ARHGAP24: variants seen among roughly 807,000 people sequenced by gnomAD.
The protein encoded by ARHGAP24 is Rho GTPase activating protein 24, also known as rho GTPase-activating protein 24.
Under a neutral mutation model 76.4 loss-of-function variants are expected in ARHGAP24, and 50 were observed. That is an observed-to-expected ratio of 0.65 (90% CI 0.52 to 0.83). ARHGAP24 has a LOEUF of 0.83. ARHGAP24 is among the 40% of genes least tolerant of loss of function. The pLI is 0.00. For missense variants in ARHGAP24, 930 were observed against 914.2 expected, an observed-to-expected ratio of 1.02 and a Z score of -0.22; for synonymous variants, 345 against 323.3, an observed-to-expected ratio of 1.07 and a Z score of -0.72.
At chr4:85,762,332 A>G (rs916123746) in intron 3 of ARHGAP24, among the ~76,000 whole-genome samples, 2 of 152,182 alleles carry the variant, frequency 1.3e-5, no homozygotes, top group African/African-American at 4.8e-5. Context: ...GCTCATGTAC[A>G]GAAAATCATA....
chr4:85,992,087 T>C (rs374011520), intron 8 of ARHGAP24: 41 of 397,390 alleles, frequency 1.0e-4, no homozygotes, highest in Middle Eastern at 1.3e-3. Flanking sequence ...CAGAATCTGC[T>C]TGGACTCTTC....
In ARHGAP24 at chr4:85,871,406, C is replaced by G. The variant is rs932739561; in HGVS notation, c.269-52242C>G. Among the ~76,000 whole-genome samples the G allele has an allele frequency of 5.3e-5, 8 of 152,192 alleles. 1 individual carries two copies. The highest frequency in any genetic ancestry group is 5.2e-4 in the Admixed American group (8 of 15,264). ...TAAAATGCCCAATACACCTTCTTTT[C>G]TACCTTAGTTGATTCCATACTCGTT... On this transcript the variant is annotated intron_variant, in intron 3 of 9. Transcript: ENST00000395184.
At chr4:85,564,967 T>TAC (rs1726777411) in intron 1 of ARHGAP24, among the ~76,000 whole-genome samples, 1 of 114,580 alleles carries the variant, frequency 8.7e-6, no homozygotes, top group Non-Finnish European at 1.8e-5. Flanking sequence ...TATATATATA[T>TAC]ATACCCACAC....
At chr4:85,666,186 C>G (rs1722610185) in intron 2 of ARHGAP24, among the ~76,000 whole-genome samples, 1 of 152,184 alleles carries the variant, frequency 6.6e-6, no homozygotes, top group Admixed American at 6.5e-5. Flanking sequence ...TTCACATAGT[C>G]CTGTATTTCT....
At chr4:85,856,945 A>G (rs1169248703) in intron 3 of ARHGAP24, among the ~76,000 whole-genome samples, 1 of 152,136 alleles carries the variant, frequency 6.6e-6, no homozygotes, top group Non-Finnish European at 1.5e-5. Flanking sequence ...CTTTTTTTTA[A>G]TTTAACATAT....
At chr4:85,751,723 AG>A (rs1726273207) in intron 3 of ARHGAP24, among the ~76,000 whole-genome samples, 1 of 152,206 alleles carries the variant, frequency 6.6e-6, no homozygotes, top group African/African-American at 2.4e-5. Context: ...GATTGTTCCC[AG>A]GAAACTGCCT....
chr4:85,783,692 A>C (rs1452864105), intron 3 of ARHGAP24, among the ~76,000 whole-genome samples: 1 of 152,220 alleles, frequency 6.6e-6, no homozygotes, highest in African/African-American at 2.4e-5. Context: ...AAGGGTTCTC[A>C]TACTAAAGAA....
chr4:85,944,628 A>G (rs186477206), intron 5 of ARHGAP24, among the ~76,000 whole-genome samples: 13 of 152,274 alleles, frequency 8.5e-5, no homozygotes, highest in Admixed American at 7.2e-4. Flanking sequence ...TGTTTTAGTC[A>G]TGAAGTCTTT....
chr4:85,936,860 C>A (rs1015898543), intron 4 of ARHGAP24, among the ~76,000 whole-genome samples: 2 of 152,130 alleles, frequency 1.3e-5, no homozygotes, highest in Admixed American at 6.5e-5. Flanking sequence ...ACAAGCAATA[C>A]ATAGTTCAGC....
chr4:85,881,756 C>T (rs573673135), intron 3 of ARHGAP24, among the ~76,000 whole-genome samples: 130 of 152,298 alleles, frequency 8.5e-4, no homozygotes, highest in African/African-American at 2.9e-3. Context: ...AGATAATACA[C>T]ATAGGAACCA....
intron 2 of ARHGAP24, among the ~76,000 whole-genome samples, chr4:85,683,122 G>GC (rs1381009829): frequency 2.7e-4 from 31 of 114,730 alleles, no homozygotes; most frequent in African/African-American, 9.4e-4. Context: ...GGGGGTGGGG[G>GC]GGGGGTGCGG....
intron 3 of ARHGAP24, among the ~76,000 whole-genome samples, chr4:85,747,574 G>C (rs937543370): frequency 6.6e-6 from 1 of 151,842 alleles, no homozygotes; most frequent in South Asian, 2.1e-4. Context: ...GTAGTGGCGG[G>C]CGCCTGTAGT....
chr4:85,943,523 A>G (rs757231278), intron 5 of ARHGAP24, among the ~76,000 whole-genome samples: 6 of 152,030 alleles, frequency 3.9e-5, no homozygotes, highest in Admixed American at 6.6e-5. Flanking sequence ...GGTTTGTTAC[A>G]TAGGTATACA....
rs559645736 is a variant in ARHGAP24, at chr4:85,623,381, A to G, written c.180+52660A>G. On this transcript the variant is annotated intron_variant, in intron 2 of 9. Coordinates refer to ENST00000395184, the MANE Select transcript of ARHGAP24 (RefSeq NM_001025616.3). ...CCTTTCCCCATTGCTTGTTTTTGTC[A>G]GGTTTGTCAAAGATCAGATAGTGGT... Among the ~76,000 whole-genome samples, 567 of 152,196 alleles carry G rather than the reference A, an allele frequency of 3.7e-3. 1 individual carries two copies. Among genetic ancestry groups the G allele is most frequent in the South Asian group, 7.9e-3 (38 of 4,818 alleles).
intron 3 of ARHGAP24, among the ~76,000 whole-genome samples, chr4:85,874,877 T>A (rs1387942675): frequency 4.4e-5 from 5 of 114,234 alleles, no homozygotes; most frequent in African/African-American, 1.4e-4. Context: ...TTTTATATAA[T>A]TTATATATAA....
chr4:85,765,656 A>C (rs184603334), intron 3 of ARHGAP24, among the ~76,000 whole-genome samples: 7 of 152,264 alleles, frequency 4.6e-5, no homozygotes, highest in Admixed American at 4.6e-4. Flanking sequence ...CAGAGGGATA[A>C]AAAGTAACAA....
rs143094832 is a variant in ARHGAP24, at chr4:85,838,577, C to T, written c.269-85071C>T. 5.3e-3 allele frequency among the ~76,000 whole-genome samples: 813 copies of T among 152,202 alleles called. 9 individuals carry two copies. The highest frequency in any genetic ancestry group is 0.019 in the African/African-American group (776 of 41,522). ...TCACGCCACTGCACTCCAGCCTGGG[C>T]GACAGAGCGAGACTCTGTCTCAAAG... On this transcript the variant is annotated intron_variant, in intron 3 of 9. Transcript: ENST00000395184.
At chr4:85,574,485 G>A (rs1250599679) in intron 2 of ARHGAP24, among the ~76,000 whole-genome samples, 2 of 152,178 alleles carry the variant, frequency 1.3e-5, no homozygotes. Flanking sequence ...GGAATTCAGA[G>A]CAGAGGAAAG....
At chr4:85,566,284 G>A (rs1027925721) in intron 1 of ARHGAP24, among the ~76,000 whole-genome samples, 3 of 152,212 alleles carry the variant, frequency 2.0e-5, no homozygotes, top group African/African-American at 7.2e-5. Context: ...TCCCAGCGGA[G>A]ATTCAGTGAA....
Sources: gnomAD v4.1 joint callset for allele counts (sites outside exome capture counted in the v4.1 genomes callset) on GRCh38, gnomAD v4.1.1 for gene constraint, MANE v1.5 for transcripts, NCBI Gene and HGNC (gene_info 2026-07-23, HGNC 2026-07-21) for gene names.